The following SMYD3 variants were observed in gnomAD, a reference collection of about 807,000 sequenced individuals.
SMYD3 encodes the protein SET and MYND domain containing 3, also known as histone-lysine N-methyltransferase SMYD3.
Under a neutral mutation model 57.7 loss-of-function variants are expected in SMYD3, and 36 were observed. That is an observed-to-expected ratio of 0.62 (90% CI 0.48 to 0.82). SMYD3 has a LOEUF of 0.82. Among genes scored for constraint, SMYD3 ranks in the 40% least tolerant of loss-of-function variants. The pLI is 0.00. For missense variants in SMYD3, 515 were observed against 538.8 expected (o/e 0.96, Z 0.44); for synonymous variants, 211 against 195.0 (o/e 1.08, Z -0.68).
chr1:245,784,511 A>G (rs1193425739), intron 10 of SMYD3, among the ~76,000 whole-genome samples: 1 of 152,180 alleles, frequency 6.6e-6, no homozygotes, highest in African/African-American at 2.4e-5. Flanking sequence ...GCTGCAGCTC[A>G]AAGATCTATT....
intron 5 of SMYD3, among the ~76,000 whole-genome samples, chr1:246,310,142 TAAAGATAATTA>T (rs1042246176): frequency 5.3e-5 from 8 of 151,294 alleles, no homozygotes; most frequent in African/African-American, 2.0e-4. Context: ...CATTTTGCTA[TAAAGATAATTA>T]GAAGTAATTA....
chr1:246,235,836 C>T (rs189974095), intron 5 of SMYD3, among the ~76,000 whole-genome samples: 2 of 152,282 alleles, frequency 1.3e-5, no homozygotes, highest in Admixed American at 1.3e-4. Flanking sequence ...TCATGAGCCA[C>T]TGAGTGGCTA....
intron 5 of SMYD3, among the ~76,000 whole-genome samples, chr1:246,249,745 C>T (rs2063771695): frequency 6.6e-6 from 1 of 152,152 alleles, no homozygotes; most frequent in South Asian, 2.1e-4. Context: ...TTCTTATCAA[C>T]TAATAAGATC....
intron 9 of SMYD3, among the ~76,000 whole-genome samples, chr1:245,863,384 T>C (rs1235232364): frequency 6.6e-6 from 1 of 152,176 alleles, no homozygotes; most frequent in African/African-American, 2.4e-5. Flanking sequence ...ATTGTAGTCG[T>C]GGCTGGTTTA....
intron 5 of SMYD3, among the ~76,000 whole-genome samples, chr1:246,005,660 C>A (rs1252652998): frequency 6.6e-6 from 1 of 152,194 alleles, no homozygotes; most frequent in Non-Finnish European, 1.5e-5. Flanking sequence ...TGTAAAGGGG[C>A]ACGCTTACAG....
intron 2 of SMYD3, among the ~76,000 whole-genome samples, chr1:246,354,014 T>A (rs1255844964): frequency 1.3e-5 from 2 of 151,838 alleles, no homozygotes; most frequent in African/African-American, 4.8e-5. Flanking sequence ...TCAAATTACT[T>A]TCAAAGGATA....
At chr1:245,891,597 A>C (rs181059573) in intron 8 of SMYD3, among the ~76,000 whole-genome samples, 16 of 152,332 alleles carry the variant, frequency 1.1e-4, no homozygotes, top group African/African-American at 3.8e-4. Context: ...AGTGACAGCA[A>C]TGTCGGGAAC....
In SMYD3 at chr1:245,749,617, A is replaced by G. The variant is rs1180787431; in HGVS notation, c.1233T>C (p.Ile411=). Residue 411 remains isoleucine, a synonymous_variant, in exon 12 of 12, where the codon ATT becomes ATC. Coordinates refer to ENST00000490107, the MANE Select transcript of SMYD3 (RefSeq NM_001167740.2). ...RVTHGREHSL[I]EDLILLLEEC... ...CTTCTAAAAGTAGAATCAAATCTTC[A>G]ATCAGGCTGTGTTCTCTGCCATGTG... is the stretch of plus-strand genomic sequence containing the variant. The G allele has an allele frequency of 1.2e-6, 2 of 1,614,190 alleles. No homozygotes were observed. The highest frequency in any genetic ancestry group is 1.7e-6 in the Non-Finnish European group (2 of 1,180,022).
At chr1:246,396,876 G>C (rs1453109051) in intron 1 of SMYD3, among the ~76,000 whole-genome samples, 1 of 152,178 alleles carries the variant, frequency 6.6e-6, no homozygotes, top group East Asian at 1.9e-4. Context: ...AAATTACCCA[G>C]TCTCCCATGT....
chr1:246,371,431 C>A (rs1036891682), intron 1 of SMYD3, among the ~76,000 whole-genome samples: 1 of 152,154 alleles, frequency 6.6e-6, no homozygotes, highest in African/African-American at 2.4e-5. Flanking sequence ...CAACTCTGAT[C>A]ATCTAAGAGA....
chr1:245,974,153 C>T (rs1572823928), intron 5 of SMYD3, among the ~76,000 whole-genome samples: 1 of 152,086 alleles, frequency 6.6e-6, no homozygotes. Context: ...CTGTGAGTAT[C>T]CTCACTCTGA....
intron 10 of SMYD3, among the ~76,000 whole-genome samples, chr1:245,807,735 C>T (rs945624348): frequency 1.4e-4 from 21 of 151,446 alleles, no homozygotes; most frequent in African/African-American, 5.1e-4. Flanking sequence ...GTGACGGCAC[C>T]TGATCAAAGC....
chr1:245,908,251 G>C (rs1350947719), intron 8 of SMYD3, among the ~76,000 whole-genome samples: 2 of 67,608 alleles, frequency 3.0e-5, no homozygotes, highest in Non-Finnish European at 2.9e-5. Flanking sequence ...AACAAAGAGA[G>C]ACACAAAAGG....
At chr1:246,302,528 T>C (rs188747529) in intron 5 of SMYD3, among the ~76,000 whole-genome samples, 1 of 152,156 alleles carries the variant, frequency 6.6e-6, no homozygotes, top group Admixed American at 6.5e-5. Context: ...ATAAGTGAAG[T>C]AAGAAAACAG....
At chr1:246,277,170 T>C (rs547282349) in intron 5 of SMYD3, among the ~76,000 whole-genome samples, 2 of 152,212 alleles carry the variant, frequency 1.3e-5, no homozygotes, top group South Asian at 4.1e-4. Flanking sequence ...GTTGAAATAA[T>C]GCATTCAGCT....
At chr1:246,176,221 A>C (rs563504724) in intron 5 of SMYD3, among the ~76,000 whole-genome samples, 1 of 152,246 alleles carries the variant, frequency 6.6e-6, no homozygotes, top group Admixed American at 6.5e-5. Context: ...CAAACTGTGG[A>C]GTCCCAAAAT....
chr1:246,451,730 A>G (rs553051493), intron 1 of SMYD3, among the ~76,000 whole-genome samples: 1 of 152,364 alleles, frequency 6.6e-6, no homozygotes, highest in East Asian at 1.9e-4. Context: ...GCATGTGTAG[A>G]GGAAGAGGGT....
intron 1 of SMYD3, among the ~76,000 whole-genome samples, chr1:246,505,639 T>C (rs569674629): frequency 3.4e-5 from 5 of 148,684 alleles, no homozygotes; most frequent in East Asian, 1.9e-4. Context: ...CAAAACTCTT[T>C]CATTAAATTC....
intron 10 of SMYD3, among the ~76,000 whole-genome samples, chr1:245,828,741 G>A (rs563047887): frequency 4.0e-5 from 6 of 148,152 alleles, no homozygotes; most frequent in East Asian, 2.0e-4. Context: ...GTCTCATGTC[G>A]CCCAGGCTGG....
Sources: gnomAD v4.1 joint callset for allele counts (sites outside exome capture counted in the v4.1 genomes callset) on GRCh38, gnomAD v4.1.1 for gene constraint, MANE v1.5 for transcripts, NCBI Gene and HGNC (gene_info 2026-07-23, HGNC 2026-07-21) for gene names.